Variants in CRYBG1 observed in about 807,000 individuals in gnomAD.
The protein encoded by CRYBG1 is crystallin beta-gamma domain containing 1.
CRYBG1 carries 139 observed loss-of-function variants against 189.2 expected under a neutral mutation model. That is an observed-to-expected ratio of 0.73 (90% CI 0.64 to 0.85). CRYBG1 has a LOEUF of 0.85. CRYBG1 is among the 40% of genes least tolerant of loss of function. The pLI is 0.00. For missense variants in CRYBG1, 2,611 were observed against 2,675.8 expected (o/e 0.98, Z 0.53); for synonymous variants, 1,023 against 1,017.1 (o/e 1.01, Z -0.11).
At chr6:106,426,959 C>T (rs1380288384) in intron 1 of CRYBG1, among the ~76,000 whole-genome samples, 1 of 152,192 alleles carries the variant, frequency 6.6e-6, no homozygotes, top group Non-Finnish European at 1.5e-5. Context: ...CAACATCTCG[C>T]AACGCCTCCA....
At chr6:106,411,419 C>A (rs77484165) in intron 1 of CRYBG1, among the ~76,000 whole-genome samples, 3 of 152,104 alleles carry the variant, frequency 2.0e-5, no homozygotes, top group African/African-American at 7.2e-5. Flanking sequence ...CTTCAGGACT[C>A]GGCAATTTTG....
intron 8 of CRYBG1, among the ~76,000 whole-genome samples, chr6:106,538,906 A>G (rs1774065283): frequency 6.6e-6 from 1 of 151,088 alleles, no homozygotes; most frequent in African/African-American, 2.4e-5. Flanking sequence ...AAAAAAAAAA[A>G]TTGATTAGGA....
chr6:106,512,858 G>A lies in CRYBG1; in HGVS notation c.1741G>A (p.Glu581Lys). The A allele has an allele frequency of 6.3e-7, 1 of 1,588,090 alleles. No homozygotes were observed. The highest frequency in any genetic ancestry group is 8.6e-7 in the Non-Finnish European group (1 of 1,167,452). The change falls in exon 3 of 22, where the codon GAG becomes AAG. Residue 581 changes from glutamate (E) to lysine (K), a missense_variant. Coordinates refer to ENST00000633556, the MANE Select transcript of CRYBG1 (RefSeq NM_001371242.2). The stretch of plus-strand genomic sequence containing the variant: ...GGTCAAGAGCAGCTCGCTGCTGCCG[G>A]AGATCAAGCCCGAGCACAAGAGGGG... ...LPVKSSSLLP[E>K]IKPEHKRGPL...
At chr6:106,513,188 G>A in intron 3 of CRYBG1, 149 bp downstream of exon 3, 2 of 963,892 alleles carry the variant, frequency 2.1e-6, no homozygotes, top group Non-Finnish European at 3.0e-6. Context: ...TGAAGGGCCA[G>A]TTTACACAGT....
intron 2 of CRYBG1, among the ~76,000 whole-genome samples, chr6:106,493,415 C>A (rs561769005): frequency 3.3e-5 from 5 of 152,296 alleles, no homozygotes; most frequent in Admixed American, 3.3e-4. Flanking sequence ...GGTGCAGCTA[C>A]TATAGGAAAG....
chr6:106,365,293 G>A (rs930920892), intron 1 of CRYBG1, among the ~76,000 whole-genome samples: 1 of 152,010 alleles, frequency 6.6e-6, no homozygotes, highest in African/African-American at 2.4e-5. Context: ...CAGGGGTGGT[G>A]GCGGACGCCT....
intron 1 of CRYBG1, among the ~76,000 whole-genome samples, chr6:106,442,597 T>C (rs569954204): frequency 6.6e-6 from 1 of 152,312 alleles, no homozygotes; most frequent in East Asian, 1.9e-4. Context: ...TTGACATTAT[T>C]TGAAACAGTC....
At chr6:106,416,795 C>T (rs998364395) in intron 1 of CRYBG1, among the ~76,000 whole-genome samples, 13 of 152,084 alleles carry the variant, frequency 8.5e-5, no homozygotes, top group Non-Finnish European at 1.6e-4. Flanking sequence ...TTGTGATATG[C>T]TGTTAATACT....
intron 1 of CRYBG1, among the ~76,000 whole-genome samples, chr6:106,435,540 C>CATCA (rs1771438312): frequency 6.6e-6 from 1 of 152,262 alleles, no homozygotes; most frequent in African/African-American, 2.4e-5. Context: ...ATGTTGGCTG[C>CATCA]ATCATACAGG....
intron 8 of CRYBG1, among the ~76,000 whole-genome samples, chr6:106,539,021 T>G (rs1774069244): frequency 6.6e-6 from 1 of 152,174 alleles, no homozygotes; most frequent in African/African-American, 2.4e-5. Context: ...GACAATAGCT[T>G]CTCTTCCTCA....
At chr6:106,402,197 A>G (rs1185514399) in intron 1 of CRYBG1, among the ~76,000 whole-genome samples, 82 of 118,636 alleles carry the variant, frequency 6.9e-4, no homozygotes, top group Non-Finnish European at 1.3e-3. Context: ...AGGAAGAATC[A>G]ATATCGTGAA....
chr6:106,511,778 G>A lies in CRYBG1; in HGVS notation c.661G>A (p.Ala221Thr), dbSNP rs916678598. 6.5e-7 allele frequency: 1 copy of A among 1,534,468 alleles called. No homozygotes were observed. Among genetic ancestry groups the A allele is most frequent in the Non-Finnish European group, 8.7e-7 (1 of 1,145,990 alleles). Reference sequence around the variant, plus strand: ...ACCTCGCTGGAGCAGCAGTGCAGCGGCTGTGGCTGTGCAGCAGTGCCATGA... The same window carrying A: ...ACCTCGCTGGAGCAGCAGTGCAGCGACTGTGGCTGTGCAGCAGTGCCATGA... ...LSPRWSSSAA[A>T]VAVQQCHEND... Residue 221 changes from alanine (A) to threonine (T), a missense_variant, in exon 3 of 22, where the codon GCT becomes ACT. Transcript: ENST00000633556.
intron 1 of CRYBG1, among the ~76,000 whole-genome samples, chr6:106,440,320 A>C (rs1771544616): frequency 6.7e-6 from 1 of 149,640 alleles, no homozygotes; most frequent in Non-Finnish European, 1.5e-5. Flanking sequence ...GCTGGAGTGC[A>C]GTGGCATGAT....
In CRYBG1 at chr6:106,476,196, A is replaced by G. The variant is rs150775642; in HGVS notation, c.312+24364A>G. ...AACCTTGTCCGTACAGAGCACAGGG[A>G]CATGTCTTTAGCCCCAGGTAACAAG... is the stretch of plus-strand genomic sequence containing the variant. On this transcript the variant is annotated intron_variant, in intron 2 of 21. Coordinates refer to ENST00000633556, the MANE Select transcript of CRYBG1 (RefSeq NM_001371242.2). Among the ~76,000 whole-genome samples, 284 of 152,302 alleles carry G rather than the reference A, an allele frequency of 1.9e-3. 1 individual carries two copies. The highest frequency in any genetic ancestry group is 6.2e-3 in the African/African-American group (256 of 41,570).
intron 1 of CRYBG1, among the ~76,000 whole-genome samples, chr6:106,377,081 G>T (rs1302873160): frequency 1.3e-5 from 2 of 152,146 alleles, no homozygotes; most frequent in African/African-American, 4.8e-5. Flanking sequence ...AATGTTTCCA[G>T]TTCTCTTGTC....
chr6:106,406,402 A>G (rs1770823969), intron 1 of CRYBG1, among the ~76,000 whole-genome samples: 1 of 152,234 alleles, frequency 6.6e-6, no homozygotes, highest in Admixed American at 6.5e-5. Flanking sequence ...CGTACATTTG[A>G]TTGGTATACC....
intron 1 of CRYBG1, among the ~76,000 whole-genome samples, chr6:106,425,913 C>G (rs1771216177): frequency 6.6e-6 from 1 of 152,174 alleles, no homozygotes; most frequent in Admixed American, 6.5e-5. Flanking sequence ...GCTGGGATTA[C>G]AGGTGTGAGC....
intron 1 of CRYBG1, among the ~76,000 whole-genome samples, chr6:106,448,224 C>T (rs967895895): frequency 1.3e-5 from 2 of 152,200 alleles, no homozygotes; most frequent in African/African-American, 4.8e-5. Context: ...GCCAGGTGCA[C>T]AGCAGCACTG....
At chr6:106,398,985 C>T (rs921057333) in intron 1 of CRYBG1, among the ~76,000 whole-genome samples, 2 of 152,150 alleles carry the variant, frequency 1.3e-5, no homozygotes, top group Non-Finnish European at 2.9e-5. Context: ...TGAAATATGC[C>T]TTAAGTGCTT....
Sources: allele counts gnomAD v4.1 joint callset (sites outside exome capture counted in the v4.1 genomes callset), GRCh38; gene constraint gnomAD v4.1.1; transcripts MANE v1.5; gene names NCBI Gene and HGNC (gene_info 2026-07-23, HGNC 2026-07-21).